Variants in RGPD2 observed in about 807,000 individuals in gnomAD.
RGPD2 encodes the protein RANBP2-like and GRIP domain-containing protein 2.
RGPD2 carries 2 observed loss-of-function variants against 36.0 expected under a neutral mutation model. The observed-to-expected ratio is 0.06, with a 90% CI of 0.02 to 0.17. The LOEUF (loss-of-function observed/expected upper bound fraction) is 0.17, where lower values mean the gene tolerates loss of function less well. Ranked by LOEUF, RGPD2 falls within the 10% of genes least tolerant of loss-of-function variation. The pLI, the probability that RGPD2 is intolerant of heterozygous loss-of-function variation, is 1.00. For synonymous variants in RGPD2, 19 were observed against 163.8 expected, an observed-to-expected ratio of 0.12 and a Z score of 6.75; for missense variants, 40 against 464.3, an observed-to-expected ratio of 0.09 and a Z score of 8.40.
At chr2:87,882,796 A>G in the RGPD2 span, among the ~76,000 whole-genome samples, 3,760 of 152,236 alleles carry the variant, frequency 0.025, 85 homozygotes, top group African/African-American at 0.085. Context: ...TTTTCAGCTT[A>G]CAGTTTTTCA....
chr2:87,964,372 T>A, the RGPD2 span, among the ~76,000 whole-genome samples: 22 of 151,996 alleles, frequency 1.4e-4, no homozygotes, highest in Admixed American at 4.6e-4. Flanking sequence ...TACTGAGGTA[T>A]AATTCACAAA....
chr2:87,867,768 C>T, the RGPD2 span, among the ~76,000 whole-genome samples: 1 of 147,142 alleles, frequency 6.8e-6, no homozygotes, highest in Non-Finnish European at 1.5e-5. Context: ...TTGACATATA[C>T]AATATAATAT....
chr2:87,988,948 A>T, the RGPD2 span, among the ~76,000 whole-genome samples: 3 of 151,934 alleles, frequency 2.0e-5, no homozygotes, highest in African/African-American at 7.3e-5. Flanking sequence ...GCACACATAG[A>T]GTGGACATCA....
chr2:87,832,337 A>T, the RGPD2 span, among the ~76,000 whole-genome samples: 1 of 151,348 alleles, frequency 6.6e-6, no homozygotes, highest in Non-Finnish European at 1.5e-5. Flanking sequence ...AAACACTCTA[A>T]TTGAAAAGCA....
the RGPD2 span, among the ~76,000 whole-genome samples, chr2:87,988,296 A>G: frequency 7.5e-6 from 1 of 132,500 alleles, no homozygotes; most frequent in Non-Finnish European, 1.6e-5. Context: ...AATATTTATT[A>G]AGATAATTCT....
At chr2:87,923,135 A>G in the RGPD2 span, among the ~76,000 whole-genome samples, 1 of 151,988 alleles carries the variant, frequency 6.6e-6, no homozygotes, top group Admixed American at 6.6e-5. Flanking sequence ...TCTGCTTCCT[A>G]CTGGAAGAGA....
At chr2:87,809,349 CCT>C (rs1270427481) in intron 6 of RGPD2, among the ~76,000 whole-genome samples, 59 of 148,798 alleles carry the variant, frequency 4.0e-4, no homozygotes, top group African/African-American at 1.4e-3. Flanking sequence ...ATGATGAAAC[CCT>C]GTTTCTACTA....
the RGPD2 span, among the ~76,000 whole-genome samples, chr2:87,876,615 T>TAC: frequency 9.8e-5 from 15 of 152,306 alleles, no homozygotes; most frequent in Non-Finnish European, 2.9e-5. Context: ...GAGGAGTGTT[T>TAC]TACATCTGAT....
the RGPD2 span, among the ~76,000 whole-genome samples, chr2:87,978,774 C>A: frequency 8.1e-6 from 1 of 123,872 alleles, no homozygotes; most frequent in Non-Finnish European, 1.7e-5. Flanking sequence ...TAAAAATTAG[C>A]CAGGCATGAT....
At chr2:87,984,929 CAAAAAAAAAAAAA>C in the RGPD2 span, among the ~76,000 whole-genome samples, 5 of 68,694 alleles carry the variant, frequency 7.3e-5, no homozygotes, top group African/African-American at 3.0e-4. Context: ...CATTCTGTCT[CAAAAAAAAAAAAA>C]AAAAAAAAGG....
the RGPD2 span, among the ~76,000 whole-genome samples, chr2:87,941,101 T>C: frequency 1.3e-5 from 2 of 151,724 alleles, no homozygotes; most frequent in African/African-American, 4.8e-5. Context: ...ATGAAATAGA[T>C]GGCAATTCAA....
At chr2:87,915,344 T>C in the RGPD2 span, among the ~76,000 whole-genome samples, 3 of 135,332 alleles carry the variant, frequency 2.2e-5, 1 homozygote, top group African/African-American at 8.3e-5. Context: ...ATATATAATG[T>C]ATATTATATA....
the RGPD2 span, among the ~76,000 whole-genome samples, chr2:87,875,614 C>G: frequency 2.6e-5 from 4 of 152,022 alleles, no homozygotes; most frequent in Non-Finnish European, 4.4e-5. Flanking sequence ...GGTTTGCCAG[C>G]CTTTTATTGA....
the RGPD2 span, among the ~76,000 whole-genome samples, chr2:87,837,082 A>G: frequency 1.6e-3 from 242 of 150,898 alleles, no homozygotes; most frequent in African/African-American, 5.8e-3. Context: ...TCATCAAACA[A>G]GTTCTTAGAG....
chr2:87,834,058 C>CA, the RGPD2 span, among the ~76,000 whole-genome samples: 1 of 97,534 alleles, frequency 1.0e-5, no homozygotes, highest in South Asian at 3.9e-4. Context: ...CATTAGGATA[C>CA]AAAATCCATC....
At chr2:87,878,346 A>T in the RGPD2 span, among the ~76,000 whole-genome samples, 1 of 140,296 alleles carries the variant, frequency 7.1e-6, no homozygotes, top group African/African-American at 2.7e-5. Context: ...TGCATTGTGA[A>T]GGATCTCGTA....
At chr2:87,910,566 T>C in the RGPD2 span, among the ~76,000 whole-genome samples, 1 of 152,246 alleles carries the variant, frequency 6.6e-6, no homozygotes, top group Non-Finnish European at 1.5e-5. Flanking sequence ...AGTTCTTTTA[T>C]TCATTCAACA....
the RGPD2 span, among the ~76,000 whole-genome samples, chr2:87,911,330 T>C: frequency 9.3e-3 from 1,365 of 146,150 alleles, 14 homozygotes; most frequent in African/African-American, 0.032. Context: ...ATGAAATCGA[T>C]TGGCAGAAAT....
chr2:87,978,326 T>G, the RGPD2 span, among the ~76,000 whole-genome samples: 102,890 of 115,030 alleles, frequency 0.89, 46,488 homozygotes, highest in East Asian at 0.99. Context: ...TTCACAAAAA[T>G]ATACATAAGC....
Sources: gnomAD v4.1 joint callset for allele counts (sites outside exome capture counted in the v4.1 genomes callset) on GRCh38, gnomAD v4.1.1 for gene constraint, MANE v1.5 for transcripts, NCBI Gene and HGNC (gene_info 2026-07-23, HGNC 2026-07-21) for gene names.